Variants in BCL11B observed in about 807,000 individuals in gnomAD.
The protein encoded by BCL11B is BCL11 transcription factor B.
BCL11B carries 8 observed loss-of-function variants against 49.9 expected under a neutral mutation model. The observed-to-expected ratio is 0.16, with a 90% CI of 0.09 to 0.29. BCL11B has a LOEUF of 0.29. Among genes scored for constraint, BCL11B ranks in the 10% least tolerant of loss-of-function variants. BCL11B has a pLI of 1.00. For synonymous variants in BCL11B, 739 were observed against 637.4 expected (o/e 1.16, Z -2.40); for missense variants, 1,006 against 1,351.0 (o/e 0.74, Z 4.00).
Position 99,216,551 on chromosome 14 carries a change from G to C in BCL11B, c.640+14794C>G, listed in dbSNP as rs1262096626. Among the ~76,000 whole-genome samples, 4 of 152,192 alleles carry C rather than the reference G, an allele frequency of 2.6e-5. 1 individual carries two copies. In the East Asian group the frequency reaches 7.7e-4, roughly 29 times the overall value. On this transcript the variant is annotated intron_variant, in intron 3 of 3. Coordinates refer to ENST00000357195, the MANE Select transcript of BCL11B (RefSeq NM_138576.4). ...GGACTGTGGGCTCCCTCTGAGATTG[G>C]GGGCGGGGGCTCAGTCTCCCCCAGG...
intron 1 of BCL11B, among the ~76,000 whole-genome samples, chr14:99,258,650 G>A (rs1350883502): frequency 2.6e-5 from 4 of 152,176 alleles, no homozygotes; most frequent in Non-Finnish European, 4.4e-5. Flanking sequence ...TTGCAGAGTC[G>A]GGAAGCAGGC....
At chr14:99,219,344 T>A (rs1887943793) in intron 3 of BCL11B, among the ~76,000 whole-genome samples, 1 of 152,192 alleles carries the variant, frequency 6.6e-6, no homozygotes, top group African/African-American at 2.4e-5. Context: ...ACAGAATCAA[T>A]TTCTTATTGT....
chr14:99,196,849 G>A (rs560009757), intron 3 of BCL11B, among the ~76,000 whole-genome samples: 22 of 152,342 alleles, frequency 1.4e-4, no homozygotes, highest in African/African-American at 4.8e-4. Context: ...ACCTTCACAT[G>A]AGCACCTCAT....
chr14:99,214,062 T>C (rs1246667094), intron 3 of BCL11B, among the ~76,000 whole-genome samples: 1 of 152,058 alleles, frequency 6.6e-6, no homozygotes, highest in East Asian at 1.9e-4. Context: ...GCCTAATTAG[T>C]GGAGAGGATA....
At chr14:99,198,102 G>A (rs1887230673) in intron 3 of BCL11B, among the ~76,000 whole-genome samples, 1 of 152,234 alleles carries the variant, frequency 6.6e-6, no homozygotes, top group African/African-American at 2.4e-5. Context: ...AAGGTTGGCA[G>A]AGGCTGCCGA....
chr14:99,234,184 G>A (rs1888421081), intron 2 of BCL11B, among the ~76,000 whole-genome samples: 1 of 152,078 alleles, frequency 6.6e-6, no homozygotes, highest in Non-Finnish European at 1.5e-5. Flanking sequence ...GTGGCTAATG[G>A]GCACAGAGTT....
chr14:99,260,144 G>A (rs1184866188), intron 1 of BCL11B, among the ~76,000 whole-genome samples: 1 of 152,138 alleles, frequency 6.6e-6, no homozygotes, highest in Non-Finnish European at 1.5e-5. Flanking sequence ...AAAAAATAGA[G>A]AGAGAGGCAC....
At chr14:99,240,921 G>C (rs965878514) in intron 2 of BCL11B, among the ~76,000 whole-genome samples, 9 of 152,180 alleles carry the variant, frequency 5.9e-5, no homozygotes, top group African/African-American at 2.2e-4. Context: ...TAAAGAAACC[G>C]GCAGCGCAGT....
chr14:99,176,131 G>A lies in BCL11B; in HGVS notation c.705C>T (p.Phe235=). Reference sequence around the variant, plus strand: ...GCGTGTTCTGCGCGTGCTGCAGCAGGAACCACGCGCTGTTGAAGGGCTGCT... The same window carrying A: ...GCGTGTTCTGCGCGTGCTGCAGCAGAAACCACGCGCTGTTGAAGGGCTGCT... The part of the protein sequence containing the change: ...TCKQPFNSAW[F]LLQHAQNTHG... Residue 235 remains phenylalanine (F), a synonymous_variant, in exon 4 of 4, where the codon TTC becomes TTT. Transcript: ENST00000357195. The A allele has an allele frequency of 6.2e-7, 1 of 1,612,100 alleles. No individual in the cohort carries two copies. The highest frequency in any genetic ancestry group is 1.1e-5 in the South Asian group (1 of 91,038).
chr14:99,175,698 C>T lies in BCL11B; in HGVS notation c.1138G>A (p.Val380Met). The change falls in exon 4 of 4, where the codon GTG (valine) becomes ATG (methionine). Residue 380 changes from valine (V) to methionine (M), a missense_variant. Physicochemically the swap from Val to Met is conservative, Grantham distance 21. Coordinates refer to ENST00000357195, the MANE Select transcript of BCL11B (RefSeq NM_138576.4). ...ATAGGGTTGCCGCGGCCCGGGGACACGGGCGGCGGCGTGGAGCTGTTGCCC... is the reference window on the plus strand; with the variant it reads ...ATAGGGTTGCCGCGGCCCGGGGACATGGGCGGCGGCGTGGAGCTGTTGCCC... Reference protein sequence around the residue: ...LAGNSSTPPPVSPGRGNPMHR... With the variant: ...LAGNSSTPPPMSPGRGNPMHR... 2 of 1,508,236 alleles carry T rather than the reference C, an allele frequency of 1.3e-6. No homozygotes were observed. The highest frequency in any genetic ancestry group is 1.3e-5 in the South Asian group (1 of 77,854). 93.4% of individuals were successfully genotyped at this position (1,508,236 alleles called of 1,614,324 possible). A position where few individuals can be genotyped will look rare whatever the true frequency, so the allele number is the denominator to read the frequency against.
In BCL11B at chr14:99,170,307, A is replaced by G. The variant is rs1254657521; in HGVS notation, c.*3844T>C. ...GTAAGTGGCAAGGAGGAAAGAGTGC[A>G]TCGAACAGAAAAGCTTCTGCATTTG... On this transcript the variant is annotated 3_prime_UTR_variant, in exon 4 of 4. Transcript: ENST00000357195. 4.5e-6 allele frequency: 1 copy of G among 220,772 alleles called. No individual in the cohort carries two copies. The highest frequency in any genetic ancestry group is 9.1e-6 in the Non-Finnish European group (1 of 110,204). 13.7% of individuals were successfully genotyped at this position (220,772 alleles called of 1,614,324 possible).
intron 1 of BCL11B, among the ~76,000 whole-genome samples, chr14:99,259,406 G>A (rs1889273573): frequency 6.6e-6 from 1 of 152,186 alleles, no homozygotes; most frequent in African/African-American, 2.4e-5. Flanking sequence ...GCAGGGCCTA[G>A]GAGAGTCCAT....
At chr14:99,255,849 G>A (rs1231622771) in intron 2 of BCL11B, among the ~76,000 whole-genome samples, 1 of 152,222 alleles carries the variant, frequency 6.6e-6, no homozygotes, top group Non-Finnish European at 1.5e-5. Context: ...CATGCCGGTG[G>A]CCTGGACATG....
In BCL11B at chr14:99,241,385, G is replaced by A. The variant is rs1226829680; in HGVS notation, c.428-9828C>T. Among the ~76,000 whole-genome samples, 4 of 151,934 alleles carry A rather than the reference G, an allele frequency of 2.6e-5. No individual in the cohort carries two copies. The highest frequency in any genetic ancestry group is 4.4e-5 in the Non-Finnish European group (3 of 67,986). On this transcript the variant is annotated intron_variant, in intron 2 of 3. Transcript: ENST00000357195. This position sits in a 1 kb window ranked among gnomAD's most constrained non-coding sequence, Gnocchi z 4.4. ...ACGAGCTCCAATTCCAGATCGGGGC[G>A]AGAATCTAGCTGTAATCTCAGAGGA... is the stretch of plus-strand genomic sequence containing the variant.
intron 3 of BCL11B, among the ~76,000 whole-genome samples, chr14:99,218,501 G>T (rs1887920073): frequency 6.6e-6 from 1 of 152,142 alleles, no homozygotes; most frequent in East Asian, 1.9e-4. Context: ...AAGTCTGAGT[G>T]CTAGCCGAAG....
intron 1 of BCL11B, among the ~76,000 whole-genome samples, chr14:99,267,870 T>A (rs1289020853): frequency 2.0e-5 from 3 of 152,202 alleles, no homozygotes; most frequent in Admixed American, 6.5e-5. Flanking sequence ...AAAATCACCT[T>A]GACTGGGGTT....
Position 99,175,631 on chromosome 14 carries a change from G to A in BCL11B, c.1205C>T (p.Pro402Leu), listed in dbSNP as rs1344790179. The change falls in exon 4 of 4, where the codon CCG becomes CTG. Residue 402 changes from proline to leucine, a missense_variant. By Grantham distance (98) the Pro-to-Leu change is moderately conservative. Transcript: ENST00000357195. ...LNPFQPSPKS[P>L]FLSTPPLPPM... ...CGGCAGCGGCGGCGTGCTCAGGAACGGGGACTTGGGGCTGGGCTGGAAGGG... is the reference window on the plus strand; with the variant it reads ...CGGCAGCGGCGGCGTGCTCAGGAACAGGGACTTGGGGCTGGGCTGGAAGGG... 6.4e-7 allele frequency: 1 copy of A among 1,560,904 alleles called. No homozygotes were observed. The highest frequency in any genetic ancestry group is 1.2e-5 in the South Asian group (1 of 85,754).
chr14:99,251,560 A>G (rs1889008260), intron 2 of BCL11B, among the ~76,000 whole-genome samples: 1 of 152,212 alleles, frequency 6.6e-6, no homozygotes, highest in African/African-American at 2.4e-5. Context: ...AATAAAAGAA[A>G]TAATCATATG....
chr14:99,258,157 G>A (rs529105036), intron 1 of BCL11B, among the ~76,000 whole-genome samples: 1 of 152,306 alleles, frequency 6.6e-6, no homozygotes, highest in East Asian at 1.9e-4. Flanking sequence ...ACGGACACAC[G>A]TGCATACACA....
Sources: gnomAD v4.1 joint callset for allele counts (sites outside exome capture counted in the v4.1 genomes callset) on GRCh38, gnomAD v4.1.1 for gene constraint, Gnocchi (gnomAD v3.1) non-coding constraint, MANE v1.5 for transcripts, NCBI Gene and HGNC (gene_info 2026-07-23, HGNC 2026-07-21) for gene names.